Variants in CDH12 observed in about 807,000 individuals in gnomAD.
CDH12 encodes cadherin-12.
CDH12 carries 41 observed loss-of-function variants against 74.1 expected under a neutral mutation model. The observed-to-expected ratio is 0.55, with a 90% CI of 0.43 to 0.72. The LOEUF (loss-of-function observed/expected upper bound fraction) is 0.72. CDH12 is among the 30% of genes least tolerant of loss of function. CDH12 has a pLI of 0.00. For synonymous variants in CDH12, 399 were observed against 355.0 expected (o/e 1.12, Z -1.39); for missense variants, 945 against 977.2 (o/e 0.97, Z 0.44).
At chr5:22,109,289 A>C (rs1345006223) in intron 4 of CDH12, among the ~76,000 whole-genome samples, 1 of 152,150 alleles carries the variant, frequency 6.6e-6, no homozygotes, top group Non-Finnish European at 1.5e-5. Context: ...CAGCTTTGGG[A>C]GATAGAGATA....
chr5:22,410,291 A>G (rs1203776696), intron 2 of CDH12, among the ~76,000 whole-genome samples: 4 of 152,052 alleles, frequency 2.6e-5, no homozygotes, highest in Non-Finnish European at 5.9e-5. Context: ...ATAAAACCTA[A>G]AAATATTACT....
chr5:22,725,247 T>G (rs2126995719), intron 1 of CDH12, among the ~76,000 whole-genome samples: 1 of 152,052 alleles, frequency 6.6e-6, no homozygotes, highest in South Asian at 2.1e-4. Context: ...AATAAAATAT[T>G]ATGTGAACGT....
intron 2 of CDH12, among the ~76,000 whole-genome samples, chr5:22,471,893 A>T (rs1417960019): frequency 1.3e-5 from 2 of 152,232 alleles, no homozygotes; most frequent in Non-Finnish European, 2.9e-5. Flanking sequence ...TTTTGTTAAA[A>T]TGCTAAGGAA....
chr5:22,823,983 A>T (rs1418442590), intron 1 of CDH12, among the ~76,000 whole-genome samples: 1 of 152,194 alleles, frequency 6.6e-6, no homozygotes, highest in African/African-American at 2.4e-5. Context: ...AGGTGACATA[A>T]ATCTCAATCA....
At chr5:21,892,076 C>T (rs1189952738) in intron 6 of CDH12, among the ~76,000 whole-genome samples, 1 of 151,896 alleles carries the variant, frequency 6.6e-6, no homozygotes, top group Non-Finnish European at 1.5e-5. Flanking sequence ...TCTTGGACTT[C>T]CAGTTAATAA....
intron 4 of CDH12, among the ~76,000 whole-genome samples, chr5:22,190,382 A>G (rs547792712): frequency 1.3e-5 from 2 of 152,036 alleles, no homozygotes; most frequent in Admixed American, 6.6e-5. Context: ...CTATCTATCT[A>G]TCTATCTATC....
chr5:22,635,903 A>G (rs1738818614), intron 1 of CDH12, among the ~76,000 whole-genome samples: 1 of 151,992 alleles, frequency 6.6e-6, no homozygotes, highest in Admixed American at 6.6e-5. Flanking sequence ...ACAGAATGAG[A>G]CTCCATCTCA....
chr5:22,238,382 A>T (rs1561246115), intron 3 of CDH12, among the ~76,000 whole-genome samples: 1 of 151,968 alleles, frequency 6.6e-6, no homozygotes, highest in Non-Finnish European at 1.5e-5. Flanking sequence ...TGGATAATTC[A>T]AATGGATAAG....
At chr5:22,715,902 C>T (rs1743550681) in intron 1 of CDH12, among the ~76,000 whole-genome samples, 2 of 151,876 alleles carry the variant, frequency 1.3e-5, no homozygotes, top group Non-Finnish European at 2.9e-5. Flanking sequence ...TTTGGGAGGC[C>T]TTGGTGTGCG....
intron 1 of CDH12, among the ~76,000 whole-genome samples, chr5:22,636,748 G>A (rs555150938): frequency 2.8e-4 from 43 of 152,222 alleles, no homozygotes; most frequent in Admixed American, 3.3e-4. Flanking sequence ...TTTTGCTTAC[G>A]GTTGTACAAC....
Position 22,495,284 on chromosome 5 carries a change from A to G in CDH12, c.-428+9986T>C, listed in dbSNP as rs554920628. Among the ~76,000 whole-genome samples, 17 of 152,288 alleles carry G rather than the reference A, an allele frequency of 1.1e-4. No homozygotes were observed. In the South Asian group the frequency reaches 3.3e-3, roughly 30 times the overall value. Reference sequence around the variant, plus strand: ...ATGCAGCAAAAAACTAAAGGATCCTACCACTCTTCACAGAAACATTCCTTA... The same window carrying G: ...ATGCAGCAAAAAACTAAAGGATCCTGCCACTCTTCACAGAAACATTCCTTA... On this transcript the variant is annotated intron_variant, in intron 2 of 14. Coordinates refer to ENST00000382254, the MANE Select transcript of CDH12 (RefSeq NM_004061.5).
chr5:21,777,953 T>C (rs1233545198), intron 11 of CDH12, among the ~76,000 whole-genome samples: 1 of 152,162 alleles, frequency 6.6e-6, no homozygotes, highest in African/African-American at 2.4e-5. Flanking sequence ...TGTAGAAACA[T>C]TTTATATCCA....
At chr5:21,985,635 C>G (rs573249953) in intron 5 of CDH12, among the ~76,000 whole-genome samples, 4 of 152,080 alleles carry the variant, frequency 2.6e-5, no homozygotes, top group African/African-American at 7.2e-5. Flanking sequence ...GAAAATTTTG[C>G]GTGAGTTTCT....
intron 12 of CDH12, 50 bp downstream of exon 12, chr5:21,764,928 A>T: frequency 6.3e-7 from 1 of 1,585,484 alleles, no homozygotes; most frequent in South Asian, 1.1e-5. Flanking sequence ...AACTTAAAAC[A>T]TGCATATGGT....
chr5:22,072,330 A>T (rs2150218000), intron 5 of CDH12, among the ~76,000 whole-genome samples: 1 of 152,222 alleles, frequency 6.6e-6, no homozygotes, highest in South Asian at 2.1e-4. Flanking sequence ...TTACTGAAAT[A>T]TGGCTACCTA....
intron 8 of CDH12, among the ~76,000 whole-genome samples, chr5:21,839,118 C>T (rs1749699247): frequency 6.6e-6 from 1 of 152,126 alleles, no homozygotes; most frequent in African/African-American, 2.4e-5. Flanking sequence ...CTAGCTATTA[C>T]AGCTTGCCAC....
At chr5:22,533,628 T>C (rs934360576) in intron 1 of CDH12, among the ~76,000 whole-genome samples, 2 of 152,074 alleles carry the variant, frequency 1.3e-5, no homozygotes, top group East Asian at 1.9e-4. Flanking sequence ...TAAAACAGCA[T>C]AGACACCACC....
At chr5:21,782,026 C>A (rs891295218) in intron 11 of CDH12, among the ~76,000 whole-genome samples, 1 of 152,158 alleles carries the variant, frequency 6.6e-6, no homozygotes, top group Admixed American at 6.5e-5. Flanking sequence ...TTTGACTGGG[C>A]TAATATTCCA....
At chr5:22,229,362 A>AT (rs1480913820) in intron 3 of CDH12, among the ~76,000 whole-genome samples, 27 of 128,222 alleles carry the variant, frequency 2.1e-4, no homozygotes, top group Non-Finnish European at 4.8e-4. Flanking sequence ...GCCTTTTACA[A>AT]AAAAAAAATG....
Sources: gnomAD v4.1 joint callset for allele counts (sites outside exome capture counted in the v4.1 genomes callset) on GRCh38, gnomAD v4.1.1 for gene constraint, MANE v1.5 for transcripts, NCBI Gene and HGNC (gene_info 2026-07-23, HGNC 2026-07-21) for gene names.